Variants in TRHDE observed in about 807,000 individuals in gnomAD.
TRHDE encodes thyrotropin-releasing hormone-degrading ectoenzyme.
Under a neutral mutation model 125.7 loss-of-function variants are expected in TRHDE, and 72 were observed. The observed-to-expected ratio is 0.57, with a 90% CI of 0.47 to 0.70. The LOEUF (loss-of-function observed/expected upper bound fraction) is 0.70, where lower values mean the gene tolerates loss of function less well. Ranked by LOEUF, TRHDE falls within the 30% of genes least tolerant of loss-of-function variation. The probability of loss-of-function intolerance (pLI) is 0.00; values close to 1 mark genes in which losing one functional copy is unlikely to be tolerated. For missense variants in TRHDE, 1,110 were observed against 1,327.1 expected (o/e 0.84, Z 2.54); for synonymous variants, 509 against 509.1 (o/e 1.00, Z 0.00).
intron 2 of TRHDE, among the ~76,000 whole-genome samples, chr12:72,259,763 C>T (rs1353152995): frequency 6.6e-6 from 1 of 152,132 alleles, no homozygotes; most frequent in Admixed American, 6.5e-5. Context: ...AGCCCTCCCT[C>T]TATAGACCCT....
chr12:72,120,413 C>T (rs983362083), intron 2 of TRHDE, among the ~76,000 whole-genome samples: 2 of 151,778 alleles, frequency 1.3e-5, no homozygotes, highest in Non-Finnish European at 2.9e-5. Flanking sequence ...TCTTTCCTTC[C>T]TTCCTGTCTT....
intron 1 of TRHDE, among the ~76,000 whole-genome samples, chr12:72,095,151 T>C (rs538993766): frequency 1.3e-5 from 2 of 152,318 alleles, no homozygotes; most frequent in Non-Finnish European, 2.9e-5. Flanking sequence ...AGCAAAATGT[T>C]CACCTGCTAT....
At chr12:72,150,364 A>T (rs1185929854) in intron 2 of TRHDE, among the ~76,000 whole-genome samples, 1 of 151,988 alleles carries the variant, frequency 6.6e-6, no homozygotes, top group Non-Finnish European at 1.5e-5. Context: ...TGACCTGGGA[A>T]TCTTTCAAGA....
At chr12:72,200,580 T>C (rs1350111061) in intron 2 of TRHDE, among the ~76,000 whole-genome samples, 1 of 152,164 alleles carries the variant, frequency 6.6e-6, no homozygotes, top group East Asian at 1.9e-4. Flanking sequence ...CAAATAAAAA[T>C]TACAAAGTTT....
At chr12:72,452,761 G>A (rs1875642331) in intron 3 of TRHDE, among the ~76,000 whole-genome samples, 1 of 151,876 alleles carries the variant, frequency 6.6e-6, no homozygotes, top group African/African-American at 2.4e-5. Flanking sequence ...CATGAGATCT[G>A]GTCATTTAAA....
chr12:72,152,069 C>A (rs112771144), intron 2 of TRHDE, among the ~76,000 whole-genome samples: 7 of 151,850 alleles, frequency 4.6e-5, no homozygotes, highest in Admixed American at 1.3e-4. Flanking sequence ...TCTTTTATTT[C>A]ATTGAGCAGT....
intron 3 of TRHDE, among the ~76,000 whole-genome samples, chr12:72,455,845 G>T (rs934250967): frequency 6.6e-6 from 1 of 151,868 alleles, no homozygotes; most frequent in Non-Finnish European, 1.5e-5. Flanking sequence ...GTATAGCTTG[G>T]TTTTAATCTT....
chr12:72,118,739 T>C (rs1030520985), intron 2 of TRHDE, among the ~76,000 whole-genome samples: 9 of 152,198 alleles, frequency 5.9e-5, no homozygotes, highest in African/African-American at 2.2e-4. Flanking sequence ...TCGTTACTGG[T>C]CTGTTCAGGT....
At chr12:72,201,934 TAATC>T (rs1292844089) in intron 2 of TRHDE, among the ~76,000 whole-genome samples, 2 of 152,216 alleles carry the variant, frequency 1.3e-5, no homozygotes, top group African/African-American at 2.4e-5. Context: ...CATTAAGAAA[TAATC>T]AACAGTTCAT....
At chr12:72,173,661 A>C (rs1876926070) in intron 2 of TRHDE, among the ~76,000 whole-genome samples, 1 of 152,188 alleles carries the variant, frequency 6.6e-6, no homozygotes, top group African/African-American at 2.4e-5. Flanking sequence ...ATTATGAAAT[A>C]ATTGTAAACT....
rs1565666711 is a variant in TRHDE at position 72,224,146 on chromosome 12, C to CTATT, written n.279+118397_279+118398insTTAT. On this transcript the variant is annotated intron_variant and non_coding_transcript_variant, in intron 2 of 4. Coordinates refer to the TRHDE transcript ENST00000548156. Reference sequence around the variant, plus strand: ...TCTATCTATCTATCTATCTATTTATCTATGTATGTATGTATGTATGTATCT... The same window carrying CTATT: ...TCTATCTATCTATCTATCTATTTATCTATTTATGTATGTATGTATGTATGTATCT... Among the ~76,000 whole-genome samples, 248 of 45,946 alleles carry CTATT rather than the reference C, an allele frequency of 5.4e-3. 1 individual carries two copies. The highest frequency in any genetic ancestry group is 7.6e-3 in the African/African-American group (110 of 14,454). 30.1% of individuals were successfully genotyped at this position (45,946 alleles called of 152,430 possible). A position where few individuals can be genotyped will look rare whatever the true frequency, so the allele number is the denominator to read the frequency against.
Position 72,523,606 on chromosome 12 carries a change from T to C in TRHDE, c.1723-18685T>C, listed in dbSNP as rs367669459. On this transcript the variant is annotated intron_variant, in intron 6 of 18. Transcript: ENST00000261180. Reference sequence around the variant, plus strand: ...AGTTCTACAATATGTTTTATAAAAATTATTTTCTTACCTTTAACTCAGATA... The same window carrying C: ...AGTTCTACAATATGTTTTATAAAAACTATTTTCTTACCTTTAACTCAGATA... Among the ~76,000 whole-genome samples the C allele has an allele frequency of 2.0e-5, 3 of 152,208 alleles. No homozygotes were observed. The East Asian group carries it at 5.8e-4, about 29-fold the overall frequency.
chr12:72,157,123 CTT>C (rs58371536), intron 2 of TRHDE, among the ~76,000 whole-genome samples: 10 of 143,584 alleles, frequency 7.0e-5, no homozygotes, highest in Admixed American at 7.0e-5. Flanking sequence ...TTTTCTTTTT[CTT>C]TTTTTTTTTT....
chr12:72,566,287 G>A (rs1182436884), intron 9 of TRHDE, among the ~76,000 whole-genome samples: 2 of 151,410 alleles, frequency 1.3e-5, no homozygotes, highest in East Asian at 3.9e-4. Flanking sequence ...CACACATAGA[G>A]TAGAGAAAAA....
intron 2 of TRHDE, among the ~76,000 whole-genome samples, chr12:72,351,726 T>G (rs1049765354): frequency 1.6e-4 from 25 of 152,060 alleles, no homozygotes; most frequent in African/African-American, 5.5e-4. Flanking sequence ...ATTAGAACCT[T>G]CTTTCCTAAA....
At chr12:72,638,318 G>T (rs1388609284) in intron 15 of TRHDE, among the ~76,000 whole-genome samples, 6 of 151,656 alleles carry the variant, frequency 4.0e-5, no homozygotes, top group Non-Finnish European at 7.4e-5. Flanking sequence ...CAGAGACTAG[G>T]ATTGCAACCC....
At chr12:72,374,558 T>C (rs1337729969) in intron 2 of TRHDE, among the ~76,000 whole-genome samples, 1 of 152,046 alleles carries the variant, frequency 6.6e-6, no homozygotes, top group Admixed American at 6.6e-5. Context: ...CTGGGAACCC[T>C]CCAACATTAA....
intron 12 of TRHDE, among the ~76,000 whole-genome samples, chr12:72,579,145 T>C (rs1162215073): frequency 1.3e-5 from 2 of 152,058 alleles, no homozygotes; most frequent in African/African-American, 2.4e-5. Flanking sequence ...TTTTAAGATT[T>C]ACTTTTGTAA....
chr12:72,515,521 T>C (rs1878806610), intron 6 of TRHDE, among the ~76,000 whole-genome samples: 1 of 152,222 alleles, frequency 6.6e-6, no homozygotes, highest in African/African-American at 2.4e-5. Flanking sequence ...TTTGACTTCA[T>C]TGTAGATTCT....
Sources: allele counts gnomAD v4.1 joint callset (sites outside exome capture counted in the v4.1 genomes callset), GRCh38; gene constraint gnomAD v4.1.1; transcripts MANE v1.5; gene names NCBI Gene and HGNC (gene_info 2026-07-23, HGNC 2026-07-21).